The following GIPC2 variants were observed in gnomAD, a reference collection of about 807,000 sequenced individuals.
GIPC2 encodes the protein GIPC PDZ domain containing family member 2.
Under a neutral mutation model 30.6 loss-of-function variants are expected in GIPC2, and 30 were observed. That is an observed-to-expected ratio of 0.98 (90% confidence interval 0.73 to 1.33). GIPC2 has a LOEUF of 1.33. GIPC2 is among the 40% of genes most tolerant of loss of function. The pLI is 0.00. For synonymous variants in GIPC2, 167 were observed against 150.0 expected (o/e 1.11, Z -0.83); for missense variants, 414 against 390.3 (o/e 1.06, Z -0.51).
chr1:78,075,520 G>A (rs1435304223), intron 1 of GIPC2, among the ~76,000 whole-genome samples: 2 of 152,152 alleles, frequency 1.3e-5, no homozygotes, highest in Non-Finnish European at 2.9e-5. Flanking sequence ...ATGTCACCAA[G>A]GACTTAGGTT....
chr1:78,048,467 C>T (rs995479840), intron 1 of GIPC2, among the ~76,000 whole-genome samples: 3 of 151,414 alleles, frequency 2.0e-5, no homozygotes, highest in Non-Finnish European at 4.4e-5. Flanking sequence ...CACTCTGTTG[C>T]CCAGGCTGGA....
At chr1:78,081,815 A>G (rs1364907810) in intron 2 of GIPC2, among the ~76,000 whole-genome samples, 2 of 152,038 alleles carry the variant, frequency 1.3e-5, no homozygotes, top group African/African-American at 2.4e-5. Flanking sequence ...AATTCTCACA[A>G]TTCTATTTGG....
intron 5 of GIPC2, among the ~76,000 whole-genome samples, chr1:78,133,915 A>G (rs905481354): frequency 2.0e-5 from 3 of 152,156 alleles, no homozygotes; most frequent in African/African-American, 7.2e-5. Context: ...GCACTCTGAC[A>G]TCTATATCCT....
At chr1:78,100,497 G>GA (rs1286225385) in intron 3 of GIPC2, among the ~76,000 whole-genome samples, 1 of 152,198 alleles carries the variant, frequency 6.6e-6, no homozygotes, top group African/African-American at 2.4e-5. Flanking sequence ...TGGCTTCAGG[G>GA]AGGGAGTATG....
chr1:78,053,212 C>G lies in GIPC2; in HGVS notation c.240+6878C>G, dbSNP rs1486368981. Among the ~76,000 whole-genome samples, 3 of 152,302 alleles carry G rather than the reference C, an allele frequency of 2.0e-5. No homozygotes were observed. In the East Asian group the frequency reaches 5.8e-4, roughly 29 times the overall value. On this transcript the variant is annotated intron_variant, in intron 1 of 5. Coordinates refer to ENST00000370759, the MANE Select transcript of GIPC2 (RefSeq NM_017655.6). The stretch of plus-strand genomic sequence containing the variant: ...CTTGGCACTTGCAGGAAGGCCTTGG[C>G]ATTCTGTTGCACATAAACAATTGCA...
At chr1:78,049,412 C>T (rs116399924) in intron 1 of GIPC2, among the ~76,000 whole-genome samples, 7,825 of 152,230 alleles carry the variant, frequency 0.051, 277 homozygotes, top group Non-Finnish European at 0.079. Context: ...CTGCCCGCCT[C>T]GGCCTCCCAA....
At chr1:78,079,374 TTC>T (rs1661784371) in intron 1 of GIPC2, among the ~76,000 whole-genome samples, 1 of 152,220 alleles carries the variant, frequency 6.6e-6, no homozygotes, top group Admixed American at 6.5e-5. Flanking sequence ...TATGAAGCTC[TTC>T]TGATTCAGAC....
Position 78,080,672 on chromosome 1 carries a change from C to A in GIPC2, c.241-3C>A. On this transcript the variant is annotated splice_polypyrimidine_tract_variant and splice_region_variant and intron_variant, in intron 1 of 5. Coordinates refer to ENST00000370759, the MANE Select transcript of GIPC2 (RefSeq NM_017655.6). ...GGACCTGACATTTTATTTTTCTTTG[C>A]AGATCTTATATTGCACTTTAAACAC... 5.8e-6 allele frequency: 9 copies of A among 1,554,032 alleles called. No homozygotes were observed. Among genetic ancestry groups the A allele is most frequent in the Non-Finnish European group, 7.9e-6 (9 of 1,138,900 alleles).
chr1:78,113,230 G>A (rs1390032835), intron 3 of GIPC2, among the ~76,000 whole-genome samples: 2 of 151,854 alleles, frequency 1.3e-5, no homozygotes, highest in African/African-American at 2.4e-5. Context: ...AAAAAAAACA[G>A]ATATGTGAAA....
At chr1:78,095,643 C>T (rs79036427) in intron 3 of GIPC2, among the ~76,000 whole-genome samples, 2,289 of 152,250 alleles carry the variant, frequency 0.015, 63 homozygotes, top group African/African-American at 0.053. Context: ...GAAATTATTT[C>T]CACTTTGGGG....
At position 78,068,360 on chromosome 1, in the gene GIPC2, A is replaced by T. The variant is rs1661559488; in HGVS notation, c.241-12315A>T. On this transcript the variant is annotated intron_variant, in intron 1 of 5. Coordinates refer to ENST00000370759, the MANE Select transcript of GIPC2 (RefSeq NM_017655.6). ...TGTATTTTCTCCCAAGAAGCCCAGG[A>T]TTGGGGCATGTGGGGAAGATTACTT... Among the ~76,000 whole-genome samples, 2 of 152,194 alleles carry T rather than the reference A, an allele frequency of 1.3e-5. 1 individual carries two copies. The highest frequency in any genetic ancestry group is 4.1e-4 in the South Asian group (2 of 4,830).
intron 1 of GIPC2, among the ~76,000 whole-genome samples, chr1:78,072,897 C>T (rs1199186147): frequency 3.3e-5 from 5 of 151,682 alleles, no homozygotes; most frequent in Non-Finnish European, 7.4e-5. Context: ...CTCTGCCTCC[C>T]GGGTTCATGT....
chr1:78,090,952 C>T (rs180925900), intron 2 of GIPC2, among the ~76,000 whole-genome samples: 5 of 151,882 alleles, frequency 3.3e-5, no homozygotes, highest in South Asian at 4.2e-4. Context: ...AATAAGGAAA[C>T]GGAAAATGGA....
At chr1:78,079,101 CA>C (rs570734336) in intron 1 of GIPC2, among the ~76,000 whole-genome samples, 32 of 152,062 alleles carry the variant, frequency 2.1e-4, no homozygotes, top group Non-Finnish European at 3.2e-4. Context: ...AGAATATGTG[CA>C]AAAACTTATT....
intron 3 of GIPC2, among the ~76,000 whole-genome samples, chr1:78,112,990 G>A (rs546912173): frequency 1.1e-4 from 17 of 152,178 alleles, no homozygotes; most frequent in African/African-American, 3.4e-4. Flanking sequence ...GTAAGAAACC[G>A]GCACTCGTAC....
intron 3 of GIPC2, among the ~76,000 whole-genome samples, chr1:78,111,007 G>C (rs1415672875): frequency 1.3e-4 from 20 of 152,332 alleles, no homozygotes; most frequent in Admixed American, 1.0e-3. Flanking sequence ...AGGATTGCTG[G>C]TGCGCACATC....
chr1:78,087,190 C>T (rs1252702750), intron 2 of GIPC2, among the ~76,000 whole-genome samples: 2 of 152,166 alleles, frequency 1.3e-5, no homozygotes, highest in Admixed American at 6.6e-5. Context: ...AGATTCAATG[C>T]TATTCCTATC....
intron 3 of GIPC2, among the ~76,000 whole-genome samples, chr1:78,112,996 C>T (rs967137526): frequency 1.3e-5 from 2 of 152,152 alleles, no homozygotes; most frequent in African/African-American, 4.8e-5. Context: ...AACCGGCACT[C>T]GTACTCCCGA....
chr1:78,104,177 G>C lies in GIPC2; in HGVS notation c.607+9045G>C, dbSNP rs553179520. Among the ~76,000 whole-genome samples, 8 of 151,148 alleles carry C rather than the reference G, an allele frequency of 5.3e-5. No homozygotes were observed. The East Asian group carries it at 7.8e-4, about 15-fold the overall frequency. ...TGTGCCATGCCAGTGGTGTGTAGAG[G>C]GGGGAGAGGGGGCCGGGGGTGGTGC... On this transcript the variant is annotated intron_variant, in intron 3 of 5. Coordinates refer to ENST00000370759, the MANE Select transcript of GIPC2 (RefSeq NM_017655.6).
Sources: gnomAD v4.1 joint callset for allele counts (sites outside exome capture counted in the v4.1 genomes callset) on GRCh38, gnomAD v4.1.1 for gene constraint, MANE v1.5 for transcripts, NCBI Gene and HGNC (gene_info 2026-07-23, HGNC 2026-07-21) for gene names.